RYR3: variants seen among roughly 807,000 people sequenced by gnomAD.
RYR3 encodes the protein brain ryanodine receptor-calcium release channel.
RYR3 carries 207 observed loss-of-function variants against 584.3 expected under a neutral mutation model. The observed-to-expected ratio is 0.35, with a 90% CI of 0.32 to 0.40. The LOEUF is 0.40. Ranked by LOEUF, RYR3 falls within the 10% of genes least tolerant of loss-of-function variation. RYR3 has a pLI of 1.00. For synonymous variants in RYR3, 2,416 were observed against 2,248.5 expected (o/e 1.07, Z -2.11); for missense variants, 5,616 against 6,089.2 (o/e 0.92, Z 2.59).
chr15:33,706,385 A>C (rs1293614969), intron 42 of RYR3, among the ~76,000 whole-genome samples: 1 of 151,982 alleles, frequency 6.6e-6, no homozygotes, highest in Non-Finnish European at 1.5e-5. Context: ...ATAACTTTCC[A>C]TTCTTCCCTC....
intron 2 of RYR3, among the ~76,000 whole-genome samples, chr15:33,493,500 TAAAG>T (rs949724957): frequency 6.6e-6 from 1 of 152,222 alleles, no homozygotes; most frequent in Non-Finnish European, 1.5e-5. Flanking sequence ...TATGACCATA[TAAAG>T]AGTCAGTGTT....
At chr15:33,543,818 C>A in intron 8 of RYR3, 103 bp downstream of exon 8, 1 of 815,896 alleles carries the variant, frequency 1.2e-6, no homozygotes, top group Non-Finnish European at 2.1e-6. Context: ...CTGTACATGT[C>A]AGTCCATTGA....
At chr15:33,696,185 C>T (rs762972798) in intron 38 of RYR3, 33 bp from the exon 39 acceptor site, 4 of 1,592,122 alleles carry the variant, frequency 2.5e-6, no homozygotes, top group Non-Finnish European at 3.4e-6. Flanking sequence ...GCCATGACAG[C>T]CACAGTCCTG....
chr15:33,844,734 C>A, intron 92 of RYR3, 128 bp from the exon 93 acceptor site: 1 of 787,776 alleles, frequency 1.3e-6, no homozygotes, highest in African/African-American at 1.7e-5. Context: ...AAACCTCATT[C>A]ATTCAGCAAG....
At chr15:33,668,078 A>AAAT (rs2063587424) in intron 36 of RYR3, among the ~76,000 whole-genome samples, 1 of 146,288 alleles carries the variant, frequency 6.8e-6, no homozygotes, top group Non-Finnish European at 1.5e-5. Flanking sequence ...AAAAAAAAAA[A>AAAT]TCCCTGAGAC....
chr15:33,579,858 C>T, intron 12 of RYR3, 118 bp from the exon 13 acceptor site: 1 of 615,650 alleles, frequency 1.6e-6, no homozygotes, highest in Admixed American at 3.8e-5. Flanking sequence ...ACAGTGGCCG[C>T]CCAAGGAAGC....
intron 10 of RYR3, among the ~76,000 whole-genome samples, chr15:33,556,972 A>G (rs1567529534): frequency 6.6e-6 from 1 of 152,206 alleles, no homozygotes; most frequent in South Asian, 2.1e-4. Context: ...TAATAGTAGT[A>G]TATGTTTTCA....
chr15:33,364,744 T>C (rs931377913), intron 1 of RYR3, among the ~76,000 whole-genome samples: 1 of 152,052 alleles, frequency 6.6e-6, no homozygotes, highest in Non-Finnish European at 1.5e-5. Context: ...TGAGAAGAAA[T>C]GGATTCTATC....
chr15:33,425,884 C>T (rs567803485), intron 1 of RYR3, among the ~76,000 whole-genome samples: 9 of 152,172 alleles, frequency 5.9e-5, no homozygotes, highest in South Asian at 4.2e-4. Flanking sequence ...CCTCGTGATC[C>T]GCCCGCCTTG....
At chr15:33,624,920 G>A (rs868272477) in intron 20 of RYR3, among the ~76,000 whole-genome samples, 12 of 152,194 alleles carry the variant, frequency 7.9e-5, no homozygotes, top group Middle Eastern at 3.4e-3. Flanking sequence ...CATAATATTC[G>A]TATGACCCTA....
chr15:33,463,120 C>T (rs1220055320), intron 1 of RYR3, among the ~76,000 whole-genome samples: 1 of 151,774 alleles, frequency 6.6e-6, no homozygotes, highest in African/African-American at 2.4e-5. Flanking sequence ...ACTGTCATCG[C>T]ACCACTGCAC....
chr15:33,393,470 G>T (rs2042122364), intron 1 of RYR3, among the ~76,000 whole-genome samples: 1 of 152,182 alleles, frequency 6.6e-6, no homozygotes, highest in Non-Finnish European at 1.5e-5. Context: ...CCAATTCTGG[G>T]AAGAAAGGGA....
At chr15:33,553,912 C>A (rs2056873849) in intron 10 of RYR3, among the ~76,000 whole-genome samples, 1 of 152,164 alleles carries the variant, frequency 6.6e-6, no homozygotes. Context: ...GCGTCTCTTG[C>A]CACTTGCCTG....
intron 3 of RYR3, among the ~76,000 whole-genome samples, chr15:33,518,655 G>A (rs1030495776): frequency 6.6e-6 from 1 of 152,302 alleles, no homozygotes; most frequent in Non-Finnish European, 1.5e-5. Flanking sequence ...GATGGTGCTC[G>A]CTCTGTCCGG....
rs1373511433 is a variant in RYR3, at chr15:33,756,439, TA to T, written c.8583+68del. On this transcript the variant is annotated intron_variant, in intron 59 of 103. Coordinates refer to ENST00000634891, the MANE Select transcript of RYR3 (RefSeq NM_001036.6). ...GATCTCTACTATTTAGGAAACAGGT[TA>T]AGTGGATCCAGTGAAGATATCTAAA... 3 of 1,150,808 alleles carry T rather than the reference TA, an allele frequency of 2.6e-6. No homozygotes were observed. The African/African-American group carries it at 4.6e-5, about 18-fold the overall frequency. The allele number at this position is 1,150,808 out of a possible 1,614,324, so 71.3% of individuals were successfully genotyped here.
chr15:33,719,781 A>G (rs1247866932), intron 43 of RYR3, among the ~76,000 whole-genome samples: 1 of 152,238 alleles, frequency 6.6e-6, no homozygotes, highest in African/African-American at 2.4e-5. Flanking sequence ...GGTAGGTTCA[A>G]CTGATAGGAG....
At chr15:33,811,952 C>A (rs1453832387) in intron 72 of RYR3, among the ~76,000 whole-genome samples, 1 of 152,012 alleles carries the variant, frequency 6.6e-6, no homozygotes, top group Non-Finnish European at 1.5e-5. Context: ...AAAGTCTTTC[C>A]TTTCCGCCCC....
At chr15:33,793,453 C>T (rs2075281583) in intron 67 of RYR3, among the ~76,000 whole-genome samples, 1 of 152,126 alleles carries the variant, frequency 6.6e-6, no homozygotes, top group Non-Finnish European at 1.5e-5. Flanking sequence ...TAACCAGGGC[C>T]ATCCTGAAGC....
At chr15:33,681,089 A>G (rs538522098) in intron 38 of RYR3, among the ~76,000 whole-genome samples, 16 of 152,208 alleles carry the variant, frequency 1.1e-4, no homozygotes, top group South Asian at 2.1e-4. Flanking sequence ...AGTTACCTCA[A>G]TAGCCCTGCA....
Sources: gnomAD v4.1 joint callset for allele counts (sites outside exome capture counted in the v4.1 genomes callset) on GRCh38, gnomAD v4.1.1 for gene constraint, MANE v1.5 for transcripts, NCBI Gene and HGNC (gene_info 2026-07-23, HGNC 2026-07-21) for gene names.